FAM13B: variants seen among roughly 807,000 people sequenced by gnomAD.
FAM13B encodes the protein protein FAM13B.
FAM13B carries 60 observed loss-of-function variants against 117.3 expected under a neutral mutation model. That is an observed-to-expected ratio of 0.51 (90% CI 0.42 to 0.63). The LOEUF (loss-of-function observed/expected upper bound fraction) is 0.63, where lower values mean the gene tolerates loss of function less well. Ranked by LOEUF, FAM13B falls within the 30% of genes least tolerant of loss-of-function variation. The pLI, the probability that FAM13B is intolerant of heterozygous loss-of-function variation, is 0.00. For synonymous variants in FAM13B, 332 were observed against 356.1 expected (o/e 0.93, Z 0.76); for missense variants, 972 against 1,091.9 (o/e 0.89, Z 1.55).
chr5:137,972,767 G>T (rs974636553), intron 10 of FAM13B, among the ~76,000 whole-genome samples: 35 of 152,038 alleles, frequency 2.3e-4, no homozygotes, highest in Non-Finnish European at 4.4e-4. Context: ...CAAAGTCTCA[G>T]GATACAAAAT....
intron 10 of FAM13B, among the ~76,000 whole-genome samples, chr5:137,968,245 AAG>A (rs1232132685): frequency 9.9e-5 from 15 of 151,662 alleles, no homozygotes; most frequent in African/African-American, 3.1e-4. Context: ...GTCAATGTAA[AAG>A]AAAGTCACAA....
chr5:137,956,576 A>G, intron 13 of FAM13B, 34 bp from the exon 14 acceptor site: 1 of 1,493,806 alleles, frequency 6.7e-7, no homozygotes. Flanking sequence ...AAAAATACTA[A>G]AGTGAACACA....
rs528261508 is a variant in FAM13B at position 137,984,976 on chromosome 5, A to G, written c.1179+281T>C. On this transcript the variant is annotated intron_variant, in intron 10 of 23. Transcript: ENST00000689681. The stretch of plus-strand genomic sequence containing the variant: ...AGTAGAGATGGGGGTTCACCATGTT[A>G]GCCAGGATGGTCTCGATCTCCTGAC... 2.2e-4 allele frequency among the ~76,000 whole-genome samples: 34 copies of G among 152,056 alleles called. No homozygotes were observed. The East Asian group carries it at 2.9e-3, about 13-fold the overall frequency.
At chr5:138,017,740 C>CA (rs1785611852) in intron 4 of FAM13B, among the ~76,000 whole-genome samples, 1 of 151,952 alleles carries the variant, frequency 6.6e-6, no homozygotes, top group Non-Finnish European at 1.5e-5. Flanking sequence ...TAGTCACCAC[C>CA]AAAAAAACCT....
intron 1 of FAM13B, among the ~76,000 whole-genome samples, chr5:138,026,938 C>CAAATAAATAAATAAAT (rs36001323): frequency 5.8e-5 from 8 of 137,428 alleles, no homozygotes; most frequent in Non-Finnish European, 1.1e-4. Context: ...GACTCCATCT[C>CAAATAAATAAATAAAT]AAATAAATAA....
intron 1 of FAM13B, among the ~76,000 whole-genome samples, chr5:138,032,041 A>T (rs1425258297): frequency 6.6e-6 from 1 of 152,194 alleles, no homozygotes; most frequent in Non-Finnish European, 1.5e-5. Flanking sequence ...CGAAACGGGG[A>T]ACCAAATGAA....
intron 1 of FAM13B, among the ~76,000 whole-genome samples, chr5:138,045,194 C>A (rs1332911550): frequency 6.6e-6 from 1 of 152,082 alleles, no homozygotes; most frequent in African/African-American, 2.4e-5. Flanking sequence ...ACAAAACACT[C>A]CAGCCACAGA....
chr5:137,996,482 C>T (rs999686132), intron 7 of FAM13B, among the ~76,000 whole-genome samples: 6 of 152,086 alleles, frequency 3.9e-5, no homozygotes, highest in African/African-American at 1.4e-4. Context: ...CTTCCTAAAT[C>T]ACTTACACCT....
intron 18 of FAM13B, 46 bp downstream of exon 18, chr5:137,948,909 G>T: frequency 6.9e-7 from 1 of 1,458,434 alleles, no homozygotes; most frequent in Non-Finnish European, 9.5e-7. Context: ...TTTTGTTTCA[G>T]GAATTCTAAA....
Position 137,940,223 on chromosome 5 carries a change from T to A in FAM13B, c.*2A>T, listed in dbSNP as rs1358930160. The A allele has an allele frequency of 6.8e-6, 11 of 1,613,870 alleles. No homozygotes were observed. The Admixed American group carries it at 1.0e-4, about 15-fold the overall frequency. Reference sequence around the variant, plus strand: ...ATGATATGAATTTTCAAGGAACGTATCTTATATGGATTTTGAAGAATCTTG... The same window carrying A: ...ATGATATGAATTTTCAAGGAACGTAACTTATATGGATTTTGAAGAATCTTG... On this transcript the variant is annotated 3_prime_UTR_variant, in exon 24 of 24. Transcript: ENST00000689681.
chr5:138,011,487 C>T (rs889943231), intron 5 of FAM13B, among the ~76,000 whole-genome samples: 2 of 151,802 alleles, frequency 1.3e-5, no homozygotes, highest in Admixed American at 6.6e-5. Context: ...GGCGCGATCT[C>T]GGCTCACTGC....
chr5:137,979,013 C>CTT (rs1255405160), intron 10 of FAM13B, among the ~76,000 whole-genome samples: 52 of 138,322 alleles, frequency 3.8e-4, no homozygotes, highest in African/African-American at 1.1e-3. Context: ...ACAGTTCAGA[C>CTT]TTTTTTTTTT....
chr5:137,944,722 C>T (rs1333975445), intron 20 of FAM13B, among the ~76,000 whole-genome samples: 1 of 150,322 alleles, frequency 6.7e-6, no homozygotes, highest in Admixed American at 6.7e-5. Flanking sequence ...CACACCACTG[C>T]ACTCCAGCCT....
At chr5:138,003,775 A>G (rs189200960) in intron 7 of FAM13B, among the ~76,000 whole-genome samples, 1 of 152,342 alleles carries the variant, frequency 6.6e-6, no homozygotes, top group Admixed American at 6.5e-5. Context: ...TAACAGACAG[A>G]CGGAGGCAGT....
At chr5:138,037,524 T>G (rs1448285006), upstream of FAM13B, among the ~76,000 whole-genome samples, 1 of 151,842 alleles carries the variant, frequency 6.6e-6, no homozygotes, top group Non-Finnish European at 1.5e-5. Flanking sequence ...GCAGTTACTT[T>G]ACAGATGGCT....
intron 6 of FAM13B, among the ~76,000 whole-genome samples, chr5:138,010,688 C>T (rs1381088351): frequency 6.6e-6 from 1 of 152,088 alleles, no homozygotes; most frequent in Non-Finnish European, 1.5e-5. Flanking sequence ...CTATATTCCT[C>T]TATGCTAGCA....
At chr5:137,946,342 C>CAAAAAAAAAAAAAAAAAAAAA in intron 18 of FAM13B, 31 bp from the exon 19 acceptor site, 2 of 919,176 alleles carry the variant, frequency 2.2e-6, no homozygotes, top group East Asian at 3.3e-5. Flanking sequence ...TAACAAAATA[C>CAAAAAAAAAAAAAAAAAAAAA]AAAAAAAAAA....
At chr5:138,046,223 C>G (rs924644242) in intron 1 of FAM13B, among the ~76,000 whole-genome samples, 2 of 152,178 alleles carry the variant, frequency 1.3e-5, no homozygotes, top group South Asian at 4.1e-4. Flanking sequence ...GATTGTGAGG[C>G]CTCCCCAGGC....
intron 2 of FAM13B, chr5:138,020,784 T>C (rs142651742): frequency 9.6e-6 from 2 of 208,156 alleles, no homozygotes; most frequent in East Asian, 2.1e-4. Flanking sequence ...GTATACCCAC[T>C]GGATCAAGAA....
Sources: gnomAD v4.1 joint callset for allele counts (sites outside exome capture counted in the v4.1 genomes callset) on GRCh38, gnomAD v4.1.1 for gene constraint, MANE v1.5 for transcripts, NCBI Gene and HGNC (gene_info 2026-07-23, HGNC 2026-07-21) for gene names.